SLC14A2: variants seen among roughly 807,000 people sequenced by gnomAD.
The protein encoded by SLC14A2 is solute carrier family 14 member 2, also known as urea transporter 2.
SLC14A2 carries 91 observed loss-of-function variants against 104.6 expected under a neutral mutation model. The ratio of observed to expected loss-of-function variants is 0.87; its 90% CI spans 0.73 to 1.04. The LOEUF (loss-of-function observed/expected upper bound fraction) is 1.04, where lower values mean the gene tolerates loss of function less well. Ranked by LOEUF, SLC14A2 falls within the 50% of genes least tolerant of loss-of-function variation. The probability of loss-of-function intolerance (pLI) is 0.00; values close to 1 mark genes in which losing one functional copy is unlikely to be tolerated. For synonymous variants in SLC14A2, 476 were observed against 466.4 expected (o/e 1.02, Z -0.27); for missense variants, 1,189 against 1,156.0 (o/e 1.03, Z -0.41).
chr18:45,201,815 G>A, the SLC14A2 span, among the ~76,000 whole-genome samples: 6 of 152,028 alleles, frequency 3.9e-5, no homozygotes, highest in African/African-American at 1.4e-4. Context: ...CAGGAATAGG[G>A]TGAATGACCT....
chr18:45,186,269 A>G, the SLC14A2 span, among the ~76,000 whole-genome samples: 7 of 152,242 alleles, frequency 4.6e-5, no homozygotes, highest in African/African-American at 1.7e-4. Flanking sequence ...TTAAAGATAG[A>G]CATCAGGTCA....
At chr18:45,670,836 A>AT (rs1368201699) in intron 16 of SLC14A2, among the ~76,000 whole-genome samples, 3 of 151,862 alleles carry the variant, frequency 2.0e-5, no homozygotes, top group Non-Finnish European at 2.9e-5. Flanking sequence ...AATTCTTTAT[A>AT]TTTTTTTGTA....
chr18:45,567,184 T>C (rs2044279520), intron 2 of SLC14A2, among the ~76,000 whole-genome samples: 1 of 152,058 alleles, frequency 6.6e-6, no homozygotes, highest in Non-Finnish European at 1.5e-5. Flanking sequence ...TAACTCTGTT[T>C]ACCATTGAAG....
intron 1 of SLC14A2, among the ~76,000 whole-genome samples, chr18:45,460,291 C>T (rs770535959): frequency 1.3e-5 from 2 of 152,202 alleles, no homozygotes; most frequent in Non-Finnish European, 2.9e-5. Context: ...GTGAATCACA[C>T]ACTGACTCTT....
intron 1 of SLC14A2, among the ~76,000 whole-genome samples, chr18:45,413,986 T>C (rs530481508): frequency 1.3e-5 from 2 of 152,194 alleles, no homozygotes; most frequent in African/African-American, 4.8e-5. Context: ...AGGTCTATAT[T>C]TGAAGAATGA....
intron 2 of SLC14A2, among the ~76,000 whole-genome samples, chr18:45,533,552 T>C (rs2144838344): frequency 1.3e-5 from 2 of 152,348 alleles, no homozygotes; most frequent in African/African-American, 4.8e-5. Context: ...ATATCCCCTT[T>C]GTCATTTTTT....
At chr18:45,544,412 C>T (rs2043936058) in intron 2 of SLC14A2, among the ~76,000 whole-genome samples, 1 of 152,146 alleles carries the variant, frequency 6.6e-6, no homozygotes, top group Non-Finnish European at 1.5e-5. Context: ...TCTATATAAC[C>T]AGGGACTTTT....
chr18:45,453,396 C>CA (rs2086888101), intron 1 of SLC14A2, among the ~76,000 whole-genome samples: 1 of 152,070 alleles, frequency 6.6e-6, no homozygotes, highest in African/African-American at 2.4e-5. Flanking sequence ...GTAATCAGGA[C>CA]AAATCAGCTT....
At chr18:45,651,750 G>A (rs1461696794) in intron 10 of SLC14A2, among the ~76,000 whole-genome samples, 3 of 152,152 alleles carry the variant, frequency 2.0e-5, no homozygotes, top group East Asian at 1.9e-4. Context: ...AGTTATCGCC[G>A]AGGTGGTAAA....
chr18:45,383,435 A>G (rs1227613642), intron 1 of SLC14A2, among the ~76,000 whole-genome samples: 2 of 152,126 alleles, frequency 1.3e-5, no homozygotes, highest in African/African-American at 2.4e-5. Context: ...GGTCTTAGAG[A>G]TTATCCAGAG....
At chr18:45,652,938 T>A (rs1165614514) in intron 10 of SLC14A2, among the ~76,000 whole-genome samples, 1 of 152,078 alleles carries the variant, frequency 6.6e-6, no homozygotes, top group Non-Finnish European at 1.5e-5. Flanking sequence ...TCATTTCCTG[T>A]CTTTTCAAAT....
the SLC14A2 span, among the ~76,000 whole-genome samples, chr18:45,180,651 A>G: frequency 9.2e-4 from 140 of 152,308 alleles, 1 homozygote; most frequent in African/African-American, 3.3e-3. Context: ...AGGAAGTATA[A>G]TAAAACCATG....
chr18:45,212,725 G>A (rs562371908), upstream of SLC14A2, among the ~76,000 whole-genome samples: 8 of 152,242 alleles, frequency 5.3e-5, no homozygotes, highest in East Asian at 3.9e-4. Context: ...GAACACACAC[G>A]TATGCCACCC....
upstream of SLC14A2, among the ~76,000 whole-genome samples, chr18:45,612,620 G>A (rs2044990963): frequency 1.3e-4 from 20 of 152,224 alleles, no homozygotes; most frequent in Admixed American, 1.3e-3. Flanking sequence ...CCTCACAGAT[G>A]GGATGAGAAA....
At chr18:45,234,908 G>A (rs1014290579) in intron 1 of SLC14A2, among the ~76,000 whole-genome samples, 1 of 151,876 alleles carries the variant, frequency 6.6e-6, no homozygotes. Flanking sequence ...CAACATCCCA[G>A]TGAGACAGAT....
intron 1 of SLC14A2, among the ~76,000 whole-genome samples, chr18:45,386,475 G>A (rs971324701): frequency 1.3e-5 from 2 of 152,092 alleles, no homozygotes; most frequent in Non-Finnish European, 2.9e-5. Flanking sequence ...CCCCCTAATG[G>A]ACCCAAGCAT....
rs560925535 is a variant in SLC14A2, at chr18:45,532,443, A to G, written c.-35+49121A>G. On this transcript the variant is annotated intron_variant, in intron 2 of 20. Coordinates refer to the SLC14A2 transcript ENST00000586448. ...TCCCTTGTAAGTTGGATTCCTAGGT[A>G]TTTTATTCTCTTTGAAGCAATTGTG... 2.0e-5 allele frequency among the ~76,000 whole-genome samples: 3 copies of G among 149,372 alleles called. No homozygotes were observed. The East Asian group carries it at 5.8e-4, about 29-fold the overall frequency.
At chr18:45,413,648 T>G (rs991604852) in intron 1 of SLC14A2, among the ~76,000 whole-genome samples, 2 of 152,188 alleles carry the variant, frequency 1.3e-5, no homozygotes, top group Non-Finnish European at 2.9e-5. Context: ...GAAACATGGC[T>G]TCTTGAGCTC....
intron 1 of SLC14A2, among the ~76,000 whole-genome samples, chr18:45,275,050 T>C (rs1033570317): frequency 2.0e-5 from 3 of 152,238 alleles, no homozygotes; most frequent in Non-Finnish European, 4.4e-5. Context: ...TTCTCTGTAA[T>C]ACTTTATTTA....
Sources: allele counts gnomAD v4.1 joint callset (sites outside exome capture counted in the v4.1 genomes callset), GRCh38; gene constraint gnomAD v4.1.1; transcripts MANE v1.5; gene names NCBI Gene and HGNC (gene_info 2026-07-23, HGNC 2026-07-21).